Variants in ASB18 observed in about 807,000 individuals in gnomAD.
ASB18 encodes ankyrin repeat and SOCS box containing 18, also known as ankyrin repeat and SOCS box protein 18.
ASB18 carries 33 observed loss-of-function variants against 33.4 expected under a neutral mutation model. The observed-to-expected ratio is 0.99, with a 90% confidence interval of 0.75 to 1.32. The LOEUF is 1.32. Ranked by LOEUF, ASB18 falls within the 40% of genes most tolerant of loss-of-function variation. The pLI is 0.00. For missense variants in ASB18, 694 were observed against 655.5 expected (o/e 1.06, Z -0.64); for synonymous variants, 295 against 307.6 (o/e 0.96, Z 0.43).
At chr2:236,258,133 T>C (rs1457825345) in intron 1 of ASB18, among the ~76,000 whole-genome samples, 2 of 152,248 alleles carry the variant, frequency 1.3e-5, no homozygotes, top group African/African-American at 4.8e-5. Flanking sequence ...GTATCCTCGC[T>C]GCCTACTTGA....
intron 2 of ASB18, among the ~76,000 whole-genome samples, chr2:236,240,677 C>T (rs1056291298): frequency 4.6e-5 from 7 of 152,206 alleles, no homozygotes; most frequent in African/African-American, 1.7e-4. Flanking sequence ...GGGAGGTCTG[C>T]TTGTCCGCCC....
In ASB18 at chr2:236,241,513, C is replaced by G. The variant is rs760289655; in HGVS notation, c.206-111G>C. ...TTTTCCTCTCACTGGCCCTGGCTGT[C>G]TCTCCATTGAGATGCCGTCGATTTC... On this transcript the variant is annotated intron_variant, in intron 1 of 5. Transcript: ENST00000409749. This position sits in a 1 kb window ranked among gnomAD's most constrained non-coding sequence, Gnocchi z 4.2. 1 of 1,315,084 alleles carries G rather than the reference C, an allele frequency of 7.6e-7. No individual in the cohort carries two copies. Among genetic ancestry groups the G allele is most frequent in the African/African-American group, 1.4e-5 (1 of 69,112 alleles). The allele number at this position is 1,315,084 out of a possible 1,614,324, so 81.5% of individuals were successfully genotyped here. A position where few individuals can be genotyped will look rare whatever the true frequency, so the allele number is the denominator to read the frequency against.
At position 236,209,727 on chromosome 2, in the gene ASB18, C is replaced by T. The variant is rs2060450403; in HGVS notation, c.1101+4635G>A. 6.6e-6 allele frequency among the ~76,000 whole-genome samples: 1 copy of T among 152,232 alleles called. No individual in the cohort carries two copies. Among genetic ancestry groups the T allele is most frequent in the Non-Finnish European group, 1.5e-5 (1 of 68,050 alleles). On this transcript the variant is annotated intron_variant, in intron 4 of 5. Transcript: ENST00000409749. This position sits in a 1 kb window ranked among gnomAD's most constrained non-coding sequence, Gnocchi z 4.4. Reference sequence around the variant, plus strand: ...AATACTGATTGGATGATGTCATCTCCTTCCTTGAAAATGATGTAATCAACT... The same window carrying T: ...AATACTGATTGGATGATGTCATCTCTTTCCTTGAAAATGATGTAATCAACT...
chr2:236,206,321 G>C (rs2060433449), intron 4 of ASB18, among the ~76,000 whole-genome samples: 1 of 152,012 alleles, frequency 6.6e-6, no homozygotes, highest in African/African-American at 2.4e-5. Context: ...TCCTTTGCCA[G>C]TTATTGGTTC....
Position 236,260,776 on chromosome 2 carries a change from A to G in ASB18, c.205+3365T>C, listed in dbSNP as rs1356122599. Among the ~76,000 whole-genome samples, 4 of 152,140 alleles carry G rather than the reference A, an allele frequency of 2.6e-5. No homozygotes were observed. Among genetic ancestry groups the G allele is most frequent in the African/African-American group, 9.7e-5 (4 of 41,434 alleles). ...GAGATGAGAAACCGTGCCAAATGCA[A>G]TTGCAATCCTTAAGTCCCTTTGTGG... is the stretch of plus-strand genomic sequence containing the variant. On this transcript the variant is annotated intron_variant, in intron 1 of 5. Transcript: ENST00000409749. This position sits in a 1 kb window ranked among gnomAD's most constrained non-coding sequence, Gnocchi z 5.1.
chr2:236,258,896 A>G (rs1451413134), intron 1 of ASB18, among the ~76,000 whole-genome samples: 1 of 152,246 alleles, frequency 6.6e-6, no homozygotes, highest in African/African-American at 2.4e-5. Flanking sequence ...TCAAGAATTC[A>G]AGTAGCATCT....
Position 236,205,823 on chromosome 2 carries a change from G to T in ASB18, c.1101+8539C>A, listed in dbSNP as rs910927926. 6.6e-6 allele frequency among the ~76,000 whole-genome samples: 1 copy of T among 152,084 alleles called. No individual in the cohort carries two copies. Among genetic ancestry groups the T allele is most frequent in the East Asian group, 1.9e-4 (1 of 5,202 alleles). On this transcript the variant is annotated intron_variant, in intron 4 of 5. Transcript: ENST00000409749. The surrounding 1 kb of genome is among the most constrained non-coding windows in gnomAD (Gnocchi z 5.4). ...GTGTCCAAATTTTCCTTTCAAAATCGGTGGATGATATTTCATTGTCTTATG... is the reference window on the plus strand; with the variant it reads ...GTGTCCAAATTTTCCTTTCAAAATCTGTGGATGATATTTCATTGTCTTATG...
chr2:236,228,536 T>G lies in ASB18; in HGVS notation c.596+9153A>C, dbSNP rs1216363769. Among the ~76,000 whole-genome samples the G allele has an allele frequency of 6.6e-6, 1 of 152,208 alleles. No individual in the cohort carries two copies. Among genetic ancestry groups the G allele is most frequent in the African/African-American group, 2.4e-5 (1 of 41,454 alleles). On this transcript the variant is annotated intron_variant, in intron 3 of 5. Coordinates refer to ENST00000409749, the MANE Select transcript of ASB18 (RefSeq NM_212556.4). This position sits in a 1 kb window ranked among gnomAD's most constrained non-coding sequence, Gnocchi z 5.1. ...TACCTAAGCTGTGGAAAGAGCCACC[T>G]GAAAGGAAGGATTAGAACCGACTGA...
Position 236,209,414 on chromosome 2 carries a change from A to C in ASB18, c.1101+4948T>G, listed in dbSNP as rs535261278. On this transcript the variant is annotated intron_variant, in intron 4 of 5. Coordinates refer to ENST00000409749, the MANE Select transcript of ASB18 (RefSeq NM_212556.4). The surrounding 1 kb of genome is among the most constrained non-coding windows in gnomAD (Gnocchi z 4.4). The stretch of plus-strand genomic sequence containing the variant: ...CAGCCTCCTGAGTAACTGGGACTAC[A>C]GTTGCATGCCACCATGCCCAGGTAA... Among the ~76,000 whole-genome samples the C allele has an allele frequency of 2.2e-4, 34 of 152,180 alleles. 1 individual carries two copies. Among genetic ancestry groups the C allele is most frequent in the Admixed American group, 6.5e-4 (10 of 15,286 alleles).
chr2:236,220,062 A>C lies in ASB18; in HGVS notation c.597-5196T>G, dbSNP rs1435248456. Among the ~76,000 whole-genome samples, 1 of 152,200 alleles carries C rather than the reference A, an allele frequency of 6.6e-6. No individual in the cohort carries two copies. The highest frequency in any genetic ancestry group is 1.9e-4 in the East Asian group (1 of 5,200). On this transcript the variant is annotated intron_variant, in intron 3 of 5. Transcript: ENST00000409749. This position sits in a 1 kb window ranked among gnomAD's most constrained non-coding sequence, Gnocchi z 5.1. Reference sequence around the variant, plus strand: ...CAATGACAGGTTGTTACAGGGGCCCAGGGTTAACAGCAGAAAGAAAAAGTA... The same window carrying C: ...CAATGACAGGTTGTTACAGGGGCCCCGGGTTAACAGCAGAAAGAAAAAGTA...
chr2:236,210,880 G>A (rs903956260), intron 4 of ASB18, among the ~76,000 whole-genome samples: 11 of 152,132 alleles, frequency 7.2e-5, no homozygotes, highest in African/African-American at 2.7e-4. Context: ...ATCTTGGAGC[G>A]GGGCTGGACT....
Position 236,237,980 on chromosome 2 carries a change from A to C in ASB18, c.329-24T>G. ...GCCTGCGGGGAGGGAGGTGGGATGT[A>C]AGGTCAGGGGGAGGTTAGTTGTGGT... On this transcript the variant is annotated intron_variant, in intron 2 of 5. Coordinates refer to ENST00000409749, the MANE Select transcript of ASB18 (RefSeq NM_212556.4). This position sits in a 1 kb window ranked among gnomAD's most constrained non-coding sequence, Gnocchi z 6.2. 1 of 1,475,718 alleles carries C rather than the reference A, an allele frequency of 6.8e-7. No homozygotes were observed. The highest frequency in any genetic ancestry group is 8.9e-7 in the Non-Finnish European group (1 of 1,121,944). 91.4% of individuals were successfully genotyped at this position (1,475,718 alleles called of 1,614,324 possible). A position where few individuals can be genotyped will look rare whatever the true frequency, so the allele number is the denominator to read the frequency against.
chr2:236,250,164 T>C lies in ASB18; in HGVS notation c.206-8762A>G, dbSNP rs2060662780. The C allele has an allele frequency of 6.6e-6, 1 of 152,258 alleles. No homozygotes were observed. Among genetic ancestry groups the C allele is most frequent in the Non-Finnish European group, 1.5e-5 (1 of 68,054 alleles). 9.4% of individuals were successfully genotyped at this position (152,258 alleles called of 1,614,324 possible). On this transcript the variant is annotated intron_variant, in intron 1 of 5. Transcript: ENST00000409749. This position sits in a 1 kb window ranked among gnomAD's most constrained non-coding sequence, Gnocchi z 4.1. Reference sequence around the variant, plus strand: ...TTATTTTCATGTGACATTGGGATCTTTTCTTCTTGCCATTGAGTTGACTAG... The same window carrying C: ...TTATTTTCATGTGACATTGGGATCTCTTCTTCTTGCCATTGAGTTGACTAG...
chr2:236,236,618 C>T lies in ASB18; in HGVS notation c.596+1071G>A, dbSNP rs532080177. On this transcript the variant is annotated intron_variant, in intron 3 of 5. Transcript: ENST00000409749. ...CAAGACTGGCGGGGGTCCACGTGGC[C>T]CCCTGATCCCCCCTCTGAACTCAAA... 4.3e-4 allele frequency among the ~76,000 whole-genome samples: 62 copies of T among 144,472 alleles called. 1 individual carries two copies. Among genetic ancestry groups the T allele is most frequent in the South Asian group, 4.2e-3 (18 of 4,320 alleles). 94.8% of individuals were successfully genotyped at this position (144,472 alleles called of 152,430 possible).
chr2:236,197,941 A>T (rs55787207), intron 4 of ASB18, among the ~76,000 whole-genome samples: 26,179 of 152,058 alleles, frequency 0.17, 2,276 homozygotes, highest in South Asian at 0.25. Flanking sequence ...CGTTCTTTCT[A>T]TTTCTTGGTT....
In ASB18 at chr2:236,214,522, C is replaced by T. The variant is rs894411374; in HGVS notation, c.941G>A (p.Arg314Gln). The change falls in exon 4 of 6, where the codon CGG becomes CAG. Residue 314 changes from arginine (R) to glutamine (Q), a missense_variant. Physicochemically the swap from Arg to Gln is conservative, Grantham distance 43 (BLOSUM62 1). Coordinates refer to ENST00000409749, the MANE Select transcript of ASB18 (RefSeq NM_212556.4). The surrounding 1 kb of genome is among the most constrained non-coding windows in gnomAD (Gnocchi z 6.5). ...GAGCGCGCCCGCGTCGGCGCCGTGC[C>T]GCAGTAGGAGGCGCGCCAGGCTGTG... ...ASHSLARLLL[R>Q]HGADAGALDY... is the part of the protein sequence containing the mutation. The T allele has an allele frequency of 2.8e-6, 4 of 1,450,256 alleles. No homozygotes were observed. The highest frequency in any genetic ancestry group is 3.0e-5 in the African/African-American group (2 of 66,582). The allele number at this position is 1,450,256 out of a possible 1,614,324, so 89.8% of individuals were successfully genotyped here.
Position 236,234,538 on chromosome 2 carries a change from G to A in ASB18, c.596+3151C>T, listed in dbSNP as rs530125818. Among the ~76,000 whole-genome samples, 5 of 152,256 alleles carry A rather than the reference G, an allele frequency of 3.3e-5. No individual in the cohort carries two copies. Among genetic ancestry groups the A allele is most frequent in the Non-Finnish European group, 7.3e-5 (5 of 68,038 alleles). ...TTTATATAATAGAGTGGCTCCTCAC[G>A]TCTTCACCAGGTGAACCAGTCAGAC... is the stretch of plus-strand genomic sequence containing the variant. On this transcript the variant is annotated intron_variant, in intron 3 of 5. Coordinates refer to ENST00000409749, the MANE Select transcript of ASB18 (RefSeq NM_212556.4). This position sits in a 1 kb window ranked among gnomAD's most constrained non-coding sequence, Gnocchi z 4.1.
At position 236,245,487 on chromosome 2, in the gene ASB18, G is replaced by A. The variant is rs966385021; in HGVS notation, c.206-4085C>T. The stretch of plus-strand genomic sequence containing the variant: ...GGAGCATGCCACACCTTAGTATAGG[G>A]GTCTGCAGTCCCCAGATAGTGCCTT... On this transcript the variant is annotated intron_variant, in intron 1 of 5. Transcript: ENST00000409749. This position sits in a 1 kb window ranked among gnomAD's most constrained non-coding sequence, Gnocchi z 4.7. Among the ~76,000 whole-genome samples the A allele has an allele frequency of 1.3e-5, 2 of 152,166 alleles. No homozygotes were observed. The highest frequency in any genetic ancestry group is 6.5e-5 in the Admixed American group (1 of 15,282).
Position 236,214,481 on chromosome 2 carries a change from A to G in ASB18, c.982T>C (p.Ser328Pro). 6.7e-7 allele frequency: 1 copy of G among 1,501,062 alleles called. No individual in the cohort carries two copies. Among genetic ancestry groups the G allele is most frequent in the Non-Finnish European group, 8.8e-7 (1 of 1,131,526 alleles). The allele number at this position is 1,501,062 out of a possible 1,614,324, so 93.0% of individuals were successfully genotyped here. A position where few individuals can be genotyped will look rare whatever the true frequency, so the allele number is the denominator to read the frequency against. ...DAGALDYGGA[S>P]PLGRVLQTAS... ...GTCTGGAGCACGCGGCCCAGCGGCG[A>G]GGCCCCGCCATAGTCGAGCGCGCCC... Residue 328 changes from serine to proline, a missense_variant, in exon 4 of 6, where the codon TCG becomes CCG. Coordinates refer to ENST00000409749, the MANE Select transcript of ASB18 (RefSeq NM_212556.4). The surrounding 1 kb of genome is among the most constrained non-coding windows in gnomAD (Gnocchi z 6.5).
Sources: gnomAD v4.1 joint callset for allele counts (sites outside exome capture counted in the v4.1 genomes callset) on GRCh38, gnomAD v4.1.1 for gene constraint, Gnocchi (gnomAD v3.1) non-coding constraint, MANE v1.5 for transcripts, NCBI Gene and HGNC (gene_info 2026-07-23, HGNC 2026-07-21) for gene names.